The following GYS2 variants were observed in gnomAD, a reference collection of about 807,000 sequenced individuals.
GYS2 encodes the protein glycogen [starch] synthase, liver.
Under a neutral mutation model 85.6 loss-of-function variants are expected in GYS2, and 80 were observed. The ratio of observed to expected loss-of-function variants is 0.93; its 90% CI spans 0.78 to 1.13. GYS2 has a LOEUF of 1.13. Ranked by LOEUF, GYS2 falls within the 50% of genes most tolerant of loss-of-function variation. The pLI is 0.00. For synonymous variants in GYS2, 328 were observed against 300.7 expected (o/e 1.09, Z -0.94); for missense variants, 881 against 854.9 (o/e 1.03, Z -0.38).
intron 7 of GYS2, among the ~76,000 whole-genome samples, chr12:21,562,003 A>G (rs998499449): frequency 2.0e-5 from 3 of 152,180 alleles, no homozygotes; most frequent in African/African-American, 7.2e-5. Flanking sequence ...ATATTTTCCT[A>G]TTACTTATTC....
chr12:21,585,969 A>T (rs1944568197), intron 1 of GYS2, among the ~76,000 whole-genome samples: 1 of 152,194 alleles, frequency 6.6e-6, no homozygotes. Flanking sequence ...GTATGACCTC[A>T]GGGGATGTGT....
intron 11 of GYS2, among the ~76,000 whole-genome samples, chr12:21,548,070 C>G (rs766506003): frequency 6.9e-6 from 1 of 144,932 alleles, no homozygotes; most frequent in Admixed American, 7.2e-5. Context: ...GAATATAGCT[C>G]TGACATAAAT....
intron 1 of GYS2, among the ~76,000 whole-genome samples, chr12:21,588,584 G>A (rs1408771048): frequency 6.6e-6 from 1 of 152,134 alleles, no homozygotes; most frequent in Non-Finnish European, 1.5e-5. Flanking sequence ...GTTTTTTACT[G>A]TATCAAAAAG....
At chr12:21,575,554 T>C (rs999169756) in intron 3 of GYS2, among the ~76,000 whole-genome samples, 2 of 152,060 alleles carry the variant, frequency 1.3e-5, no homozygotes, top group Admixed American at 1.3e-4. Flanking sequence ...CTCTTAAGAT[T>C]CTATACTTCA....
chr12:21,569,125 C>A (rs968012531), intron 4 of GYS2, 116 bp from the exon 5 acceptor site: 4 of 998,696 alleles, frequency 4.0e-6, no homozygotes, highest in Non-Finnish European at 6.2e-6. Context: ...AAATTTATGA[C>A]CACAAAAAAG....
At position 21,575,940 on chromosome 12, in the gene GYS2, C is replaced by T. The variant is rs149533049; in HGVS notation, c.421G>A (p.Gly141Ser). ...GCTTCTCGGTCATGATAAGGAATGC[C>T]GACACTGCATGCTTCCCAGAGGTCA... is the stretch of plus-strand genomic sequence containing the variant. ...KGDLWEACSV[G>S]IPYHDREAND... Residue 141 changes from glycine to serine, a missense_variant, in exon 3 of 16, where the codon GGC (glycine) becomes AGC (serine). By Grantham distance (56) the Gly-to-Ser change is moderately conservative. Coordinates refer to ENST00000261195, the MANE Select transcript of GYS2 (RefSeq NM_021957.4). 2,134 of 1,613,812 alleles carry T rather than the reference C, an allele frequency of 1.3e-3. 5 individuals are homozygous for T. The highest frequency in any genetic ancestry group is 8.5e-4 in the Non-Finnish European group (1,001 of 1,179,802).
At chr12:21,592,621 G>A (rs765163064) in intron 1 of GYS2, among the ~76,000 whole-genome samples, 20 of 152,016 alleles carry the variant, frequency 1.3e-4, no homozygotes, top group Non-Finnish European at 2.7e-4. Context: ...CAACACCAGA[G>A]CATCCAGATA....
At chr12:21,574,047 C>A in intron 4 of GYS2, 97 bp downstream of exon 4, 1 of 972,528 alleles carries the variant, frequency 1.0e-6, no homozygotes, top group Non-Finnish European at 1.6e-6. Context: ...TTTCTGCCAT[C>A]TGGTTGGCAG....
chr12:21,604,345 C>T, intron 1 of GYS2, 127 bp downstream of exon 1: 1 of 749,628 alleles, frequency 1.3e-6, no homozygotes, highest in Non-Finnish European at 2.5e-6. Flanking sequence ...AATATATATT[C>T]CGTTTAAATG....
chr12:21,563,189 T>A, intron 6 of GYS2, 39 bp downstream of exon 6: 1 of 1,293,966 alleles, frequency 7.7e-7, no homozygotes, highest in Non-Finnish European at 1.1e-6. Context: ...ATCACTCATA[T>A]CTGATACTTC....
chr12:21,565,520 A>G (rs1944308716), intron 5 of GYS2, among the ~76,000 whole-genome samples: 1 of 147,744 alleles, frequency 6.8e-6, no homozygotes, highest in Non-Finnish European at 1.5e-5. Context: ...GTATTACTGC[A>G]CTACTATATA....
chr12:21,601,297 C>G (rs997528463), intron 1 of GYS2, among the ~76,000 whole-genome samples: 1 of 152,070 alleles, frequency 6.6e-6, no homozygotes, highest in Admixed American at 6.6e-5. Context: ...CAAAACATAC[C>G]TGACTACTTA....
At chr12:21,575,806 C>A in intron 3 of GYS2, 60 bp downstream of exon 3, 1 of 1,266,154 alleles carries the variant, frequency 7.9e-7, no homozygotes. Context: ...TGGGATCATT[C>A]TTGGGCACTG....
intron 11 of GYS2, among the ~76,000 whole-genome samples, chr12:21,555,154 C>A (rs988021706): frequency 6.6e-6 from 1 of 152,164 alleles, no homozygotes; most frequent in African/African-American, 2.4e-5. Flanking sequence ...CTTTCCCTGC[C>A]TCTACTATTT....
At position 21,559,701 on chromosome 12, in the gene GYS2, T is replaced by C; in HGVS notation, c.1179A>G (p.Ala393=). The C allele has an allele frequency of 1.3e-6, 2 of 1,586,060 alleles. No homozygotes were observed. Among genetic ancestry groups the C allele is most frequent in the South Asian group, 1.1e-5 (1 of 90,484 alleles). ...TTCCAAACTTTTCCTTCACAGAATG[T>C]GCAACATCCCTGTTTGAAACAGAAA... The part of the protein sequence containing the change: ...QAVRKQLWDV[A]HSVKEKFGKK... The change falls in exon 9 of 16, where the codon GCA becomes GCG. Residue 393 remains alanine, a synonymous_variant. Transcript: ENST00000261195.
chr12:21,536,609 ATAG>A lies in GYS2; in HGVS notation c.*342_*344del. On this transcript the variant is annotated 3_prime_UTR_variant, in exon 16 of 16. Transcript: ENST00000261195. ...GTGGTGGGGTAGAGAAGCTGCATAA[ATAG>A]TAAGCAAAGGATTATGATGATCATT... 3.4e-6 allele frequency: 1 copy of A among 293,092 alleles called. No individual in the cohort carries two copies. Among genetic ancestry groups the A allele is most frequent in the South Asian group, 3.9e-5 (1 of 25,970 alleles). The allele number at this position is 293,092 out of a possible 1,614,324, so 18.2% of individuals were successfully genotyped here. A position where few individuals can be genotyped will look rare whatever the true frequency, so the allele number is the denominator to read the frequency against.
intron 1 of GYS2, among the ~76,000 whole-genome samples, chr12:21,582,770 A>G (rs142391465): frequency 6.6e-6 from 1 of 152,128 alleles, no homozygotes; most frequent in Non-Finnish European, 1.5e-5. Context: ...TTGGCTGCTT[A>G]ATATGATTAG....
chr12:21,602,322 A>G (rs1944764307), intron 1 of GYS2, among the ~76,000 whole-genome samples: 2 of 152,064 alleles, frequency 1.3e-5, no homozygotes, highest in African/African-American at 4.8e-5. Context: ...TAACTCTGCC[A>G]TTTGCTTGAT....
intron 1 of GYS2, among the ~76,000 whole-genome samples, chr12:21,604,266 T>A (rs1488523358): frequency 6.6e-6 from 1 of 152,170 alleles, no homozygotes; most frequent in Admixed American, 6.6e-5. Flanking sequence ...TTCAACTTTC[T>A]CCCTCTTCAA....
Sources: allele counts gnomAD v4.1 joint callset (sites outside exome capture counted in the v4.1 genomes callset), GRCh38; gene constraint gnomAD v4.1.1; transcripts MANE v1.5; gene names NCBI Gene and HGNC (gene_info 2026-07-23, HGNC 2026-07-21).